PWWP2A: variants seen among roughly 807,000 people sequenced by gnomAD.
PWWP2A encodes PWWP domain-containing protein 2A.
Under a neutral mutation model 48.5 loss-of-function variants are expected in PWWP2A, and 18 were observed. The ratio of observed to expected loss-of-function variants is 0.37; its 90% CI spans 0.26 to 0.55. PWWP2A has a LOEUF of 0.55. Among genes scored for constraint, PWWP2A ranks in the 20% least tolerant of loss-of-function variants. The pLI, the probability that PWWP2A is intolerant of heterozygous loss-of-function variation, is 0.81. For synonymous variants in PWWP2A, 396 were observed against 387.7 expected, an observed-to-expected ratio of 1.02 and a Z score of -0.25; for missense variants, 867 against 976.4, an observed-to-expected ratio of 0.89 and a Z score of 1.49.
chr5:160,066,686 TAGAA>T (rs914037761), intron 3 of PWWP2A: 13 of 152,126 alleles, frequency 8.5e-5, no homozygotes, highest in African/African-American at 2.4e-4. Flanking sequence ...AAAATTAAGA[TAGAA>T]AGTGTTAAAG....
chr5:160,093,529 T>C lies in PWWP2A; in HGVS notation c.1121A>G (p.Lys374Arg). 1 of 1,613,962 alleles carries C rather than the reference T, an allele frequency of 6.2e-7. No homozygotes were observed. Among genetic ancestry groups the C allele is most frequent in the African/African-American group, 1.3e-5 (1 of 75,068 alleles). Residue 374 changes from lysine to arginine, a missense_variant, in exon 2 of 2, where the codon AAA becomes AGA. Lys to Arg is a conservative substitution (Grantham distance 26). This residue lies in a region of PWWP2A where 382 missense variants were observed against 407.2 expected (regional missense o/e 0.94). Transcript: ENST00000307063. This position sits in a 1 kb window ranked among gnomAD's most constrained non-coding sequence, Gnocchi z 5.8. Reference protein sequence around the residue: ...KLKTDHKVDGKNQNESQKRNA... With the variant: ...KLKTDHKVDGRNQNESQKRNA... ...TCTTTTCTGGCTTTCATTTTGGTTTTTCCCATCCACTTTATGGTCAGTTTT... is the reference window on the plus strand; with the variant it reads ...TCTTTTCTGGCTTTCATTTTGGTTTCTCCCATCCACTTTATGGTCAGTTTT...
intron 1 of PWWP2A, among the ~76,000 whole-genome samples, chr5:160,106,955 C>G (rs1756965619): frequency 6.6e-6 from 1 of 151,388 alleles, no homozygotes; most frequent in East Asian, 2.0e-4. Context: ...TCCCAAGTAG[C>G]TGGGATTACA....
At chr5:160,088,538 C>T (rs1754822865), downstream of PWWP2A, among the ~76,000 whole-genome samples, 1 of 152,188 alleles carries the variant, frequency 6.6e-6, no homozygotes, top group South Asian at 2.1e-4. Context: ...GCATGAGCTA[C>T]CGTGCCCAGC....
chr5:160,045,454 CCACACACACACACACA>C, the PWWP2A span, among the ~76,000 whole-genome samples: 74 of 38,902 alleles, frequency 1.9e-3, 2 homozygotes, highest in African/African-American at 2.9e-3. Flanking sequence ...CCCCCACCCT[CCACACACACACACACA>C]CACACACACA....
At chr5:160,100,674 A>G (rs775051499) in intron 1 of PWWP2A, among the ~76,000 whole-genome samples, 18 of 152,210 alleles carry the variant, frequency 1.2e-4, no homozygotes, top group Admixed American at 2.6e-4. Context: ...TTTAGAAACT[A>G]CCTTGCCTTA....
downstream of PWWP2A, chr5:160,089,758 C>T (rs891347212): frequency 8.2e-5 from 99 of 1,204,312 alleles, no homozygotes; most frequent in Non-Finnish European, 1.0e-4. Context: ...TTACTTAAGC[C>T]GCAGATTTGG....
At chr5:160,117,992 C>A (rs920920879) in intron 1 of PWWP2A, 1 of 485,426 alleles carries the variant, frequency 2.1e-6, no homozygotes, top group African/African-American at 2.1e-5. Flanking sequence ...CTGTTGAAAG[C>A]AGAGCCCAAA....
At chr5:160,107,392 C>G (rs916201249) in intron 1 of PWWP2A, among the ~76,000 whole-genome samples, 6 of 152,198 alleles carry the variant, frequency 3.9e-5, no homozygotes, top group African/African-American at 1.4e-4. Context: ...TACTTTCTTG[C>G]AATACCTGCC....
rs527854994 is a variant in PWWP2A, at chr5:160,101,307, G to A, written c.585-7242C>T. 3.9e-5 allele frequency among the ~76,000 whole-genome samples: 6 copies of A among 152,162 alleles called. No individual in the cohort carries two copies. In the South Asian group the frequency reaches 6.2e-4, roughly 16 times the overall value. ...AGAGGTTGCAGTGAGAAGAGATCAC[G>A]CCACTGCACTCCAGCCAGGGTGATA... On this transcript the variant is annotated intron_variant, in intron 1 of 1. Transcript: ENST00000307063.
rs562609210 is a variant in PWWP2A at position 160,092,488 on chromosome 5, T to C, written c.2162A>G (p.Asn721Ser). ...GCGATACAGGCCCTTTCTCTTCTTA[T>C]TAAAGCGTGACTGGAAGTTTTCTAA... ...PFLENFQSRFNKKRKGLYRKA... is the reference protein window; with the variant it reads ...PFLENFQSRFSKKRKGLYRKA... Residue 721 changes from asparagine (N) to serine (S), a missense_variant, in exon 2 of 2, where the codon AAT becomes AGT. Around this residue, in one of 4 missense-constraint regions of PWWP2A, gnomAD observed 97 missense variants for 151.7 expected, o/e 0.64. Transcript: ENST00000307063. The C allele has an allele frequency of 1.3e-6, 2 of 1,551,638 alleles. No homozygotes were observed. Among genetic ancestry groups the C allele is most frequent in the South Asian group, 1.2e-5 (1 of 84,056 alleles).
At position 160,099,203 on chromosome 5, in the gene PWWP2A, G is replaced by A. The variant is rs1048803473; in HGVS notation, c.585-5138C>T. On this transcript the variant is annotated intron_variant, in intron 1 of 1. Coordinates refer to ENST00000307063, the MANE Select transcript of PWWP2A (RefSeq NM_001130864.2). Reference sequence around the variant, plus strand: ...TGAACAAGTGTTTAGGTGAAAGGCTGAAAAGGCTGACTGGTATCCCTTGCT... The same window carrying A: ...TGAACAAGTGTTTAGGTGAAAGGCTAAAAAGGCTGACTGGTATCCCTTGCT... Among the ~76,000 whole-genome samples the A allele has an allele frequency of 1.4e-4, 21 of 152,326 alleles. No homozygotes were observed. In the South Asian group the frequency reaches 2.7e-3, roughly 20 times the overall value.
chr5:160,077,432 T>G lies in PWWP2A; in HGVS notation c.*723A>C, dbSNP rs890369954. 2.6e-5 allele frequency: 4 copies of G among 152,232 alleles called. No individual in the cohort carries two copies. Among genetic ancestry groups the G allele is most frequent in the Non-Finnish European group, 4.4e-5 (3 of 68,038 alleles). 9.4% of individuals were successfully genotyped at this position (152,232 alleles called of 1,614,324 possible). On this transcript the variant is annotated 3_prime_UTR_variant, in exon 4 of 4. Transcript: ENST00000456329. The surrounding 1 kb of genome is among the most constrained non-coding windows in gnomAD (Gnocchi z 4.2). ...TGAGTCAAAATTTGAAAGGTAAGAATGTAATTATGAAAATGTGCACAAAAT... is the reference window on the plus strand; with the variant it reads ...TGAGTCAAAATTTGAAAGGTAAGAAGGTAATTATGAAAATGTGCACAAAAT...
chr5:160,052,232 G>C, the PWWP2A span, among the ~76,000 whole-genome samples: 1 of 152,168 alleles, frequency 6.6e-6, no homozygotes, highest in Non-Finnish European at 1.5e-5. Context: ...ACTTGGCCAG[G>C]CACGGTGGCT....
chr5:160,114,451 A>G (rs888826626), intron 1 of PWWP2A, among the ~76,000 whole-genome samples: 1 of 147,590 alleles, frequency 6.8e-6, no homozygotes, highest in African/African-American at 2.5e-5. Context: ...ACAGAGCGAG[A>G]CTGTCTCAAA....
chr5:160,052,160 A>G, the PWWP2A span, among the ~76,000 whole-genome samples: 1 of 151,114 alleles, frequency 6.6e-6, no homozygotes. Flanking sequence ...AGCCTTCCCC[A>G]GATTTTCCAA....
Position 160,119,313 on chromosome 5 carries a change from C to T in PWWP2A, c.76G>A (p.Glu26Lys). ...TCACTGCCGGGGATGGGCTCCATCT[C>T]CGGCTCGGCCTCGCCGGCGCCCCCC... ...GEGGAGEAEPEMEPIPGSEAG... is the reference protein window; with the variant it reads ...GEGGAGEAEPKMEPIPGSEAG... The change falls in exon 1 of 2, where the codon GAG becomes AAG. Residue 26 changes from glutamate to lysine, a missense_variant. This residue lies in a region of PWWP2A where 385 missense variants were observed against 396.9 expected (regional missense o/e 0.97). Transcript: ENST00000307063. 1 of 1,388,530 alleles carries T rather than the reference C, an allele frequency of 7.2e-7. No individual in the cohort carries two copies. Among genetic ancestry groups the T allele is most frequent in the Non-Finnish European group, 9.3e-7 (1 of 1,077,906 alleles). The allele number at this position is 1,388,530 out of a possible 1,614,324, so 86.0% of individuals were successfully genotyped here. A position where few individuals can be genotyped will look rare whatever the true frequency, so the allele number is the denominator to read the frequency against.
At chr5:160,049,156 T>C in the PWWP2A span, among the ~76,000 whole-genome samples, 1 of 152,220 alleles carries the variant, frequency 6.6e-6, no homozygotes, top group Non-Finnish European at 1.5e-5. Context: ...TTTTAAATCA[T>C]TGGAAAGCAA....
downstream of PWWP2A, among the ~76,000 whole-genome samples, chr5:160,057,007 T>C (rs1420244112): frequency 6.6e-6 from 1 of 152,076 alleles, no homozygotes; most frequent in East Asian, 1.9e-4. The surrounding 1 kb of genome is among the most constrained non-coding windows in gnomAD (Gnocchi z 4.4). Context: ...CTCTTCATAC[T>C]ATTCTGCCTG....
chr5:160,083,675 T>A (rs1581167632), intron 2 of PWWP2A, among the ~76,000 whole-genome samples: 1 of 152,070 alleles, frequency 6.6e-6, no homozygotes, highest in Admixed American at 6.6e-5. Context: ...ATGGAAAGGG[T>A]TCGGGATGTG....
Sources: gnomAD v4.1 joint callset for allele counts (sites outside exome capture counted in the v4.1 genomes callset) on GRCh38, gnomAD v4.1.1 for gene constraint, gnomAD v4.1.1 regional missense constraint, Gnocchi (gnomAD v3.1) non-coding constraint, MANE v1.5 for transcripts, NCBI Gene and HGNC (gene_info 2026-07-23, HGNC 2026-07-21) for gene names.